The following ANKAR variants were observed in gnomAD, a reference collection of about 807,000 sequenced individuals.
ANKAR encodes ankyrin and armadillo repeat containing.
In ANKAR, 136 loss-of-function variants were observed where a neutral mutation model predicts 146.2. The ratio of observed to expected loss-of-function variants is 0.93; its 90% confidence interval spans 0.81 to 1.07. The LOEUF is 1.07. Among genes scored for constraint, ANKAR ranks in the 50% least tolerant of loss-of-function variants. The pLI, the probability that ANKAR is intolerant of heterozygous loss-of-function variation, is 0.00. For missense variants in ANKAR, 1,567 were observed against 1,679.9 expected, an observed-to-expected ratio of 0.93 and a Z score of 1.18; for synonymous variants, 500 against 575.8, an observed-to-expected ratio of 0.87 and a Z score of 1.88.
At chr2:189,745,640 T>C (rs1371633341) in intron 22 of ANKAR, among the ~76,000 whole-genome samples, 3 of 152,204 alleles carry the variant, frequency 2.0e-5, no homozygotes, top group Admixed American at 1.3e-4. Flanking sequence ...TTAGTGCTTG[T>C]TCGTGTAGGA....
downstream of ANKAR, among the ~76,000 whole-genome samples, chr2:189,748,877 A>C (rs1326067656): frequency 6.6e-6 from 1 of 152,146 alleles, no homozygotes; most frequent in Admixed American, 6.5e-5. Flanking sequence ...ATATTTCCTG[A>C]GTATCTTGGC....
chr2:189,714,473 A>G (rs2040146754), intron 10 of ANKAR, among the ~76,000 whole-genome samples: 1 of 152,208 alleles, frequency 6.6e-6, no homozygotes, highest in Non-Finnish European at 1.5e-5. Context: ...AAAACCACAC[A>G]ACTACATGGA....
At chr2:189,749,129 C>T (rs2044648320), downstream of ANKAR, among the ~76,000 whole-genome samples, 1 of 150,914 alleles carries the variant, frequency 6.6e-6, no homozygotes, top group Non-Finnish European at 1.5e-5. Flanking sequence ...GCCTGTAGTC[C>T]CAGCTACTCG....
intron 12 of ANKAR, among the ~76,000 whole-genome samples, chr2:189,721,413 T>C (rs1376790091): frequency 6.6e-6 from 1 of 152,220 alleles, no homozygotes; most frequent in Non-Finnish European, 1.5e-5. Context: ...TAAAAATACA[T>C]ATAATATGCC....
chr2:189,688,963 G>A (rs1248949788), intron 2 of ANKAR, among the ~76,000 whole-genome samples: 1 of 152,146 alleles, frequency 6.6e-6, no homozygotes, highest in Non-Finnish European at 1.5e-5. Context: ...GGGACAGGAA[G>A]ATCAGTTATT....
exon 19 of ANKAR, chr2:189,761,181 C>T (rs1574935659): frequency 6.0e-6 from 2 of 334,592 alleles, no homozygotes; most frequent in African/African-American, 2.1e-5. Flanking sequence ...TCAATAAATA[C>T]GGAAGCTGGG....
chr2:189,683,886 C>T lies in ANKAR; in HGVS notation c.602-5641C>T, dbSNP rs192689482. On this transcript the variant is annotated intron_variant, in intron 2 of 22. Coordinates refer to ENST00000684021, the MANE Select transcript of ANKAR (RefSeq NM_001378068.1). ...GCAGACTGCTGGGAATCCGTCTTGG[C>T]CAAGTTAACCTTTATCTCTCACATA... Among the ~76,000 whole-genome samples, 8 of 152,302 alleles carry T rather than the reference C, an allele frequency of 5.3e-5. 1 individual carries two copies. The East Asian group carries it at 1.5e-3, about 29-fold the overall frequency.
intron 18 of ANKAR, among the ~76,000 whole-genome samples, chr2:189,759,408 C>T (rs887400886): frequency 6.6e-6 from 1 of 152,172 alleles, no homozygotes; most frequent in Admixed American, 6.5e-5. Flanking sequence ...GCCACCACGC[C>T]TGGCTAATTT....
chr2:189,712,163 G>T (rs1176121996), intron 10 of ANKAR, among the ~76,000 whole-genome samples: 1 of 152,246 alleles, frequency 6.6e-6, no homozygotes, highest in Non-Finnish European at 1.5e-5. Flanking sequence ...CATCTGGGGG[G>T]GCAGGGCATA....
chr2:189,713,917 G>T (rs2040047105), intron 10 of ANKAR, among the ~76,000 whole-genome samples: 1 of 152,108 alleles, frequency 6.6e-6, no homozygotes, highest in Admixed American at 6.6e-5. Flanking sequence ...GATGGAGGAA[G>T]ATCTACCAAG....
At chr2:189,742,755 C>T (rs955575124) in intron 20 of ANKAR, among the ~76,000 whole-genome samples, 6 of 151,740 alleles carry the variant, frequency 4.0e-5, no homozygotes, top group African/African-American at 1.2e-4. Flanking sequence ...ATGGGTGATG[C>T]TAATGCATTG....
intron 10 of ANKAR, among the ~76,000 whole-genome samples, chr2:189,717,581 T>G (rs970017017): frequency 3.3e-5 from 5 of 152,172 alleles, no homozygotes; most frequent in Non-Finnish European, 7.4e-5. Context: ...GCAATCCCAT[T>G]ACTGGGTATA....
intron 21 of ANKAR, 45 bp downstream of exon 21, chr2:189,743,519 A>G (rs2043658902): frequency 1.3e-6 from 2 of 1,537,326 alleles, no homozygotes; most frequent in African/African-American, 2.7e-5. Flanking sequence ...TCATCGATAG[A>G]GGAGACTTTA....
Position 189,741,399 on chromosome 2 carries a change from C to G in ANKAR, c.3758C>G (p.Thr1253Arg), listed in dbSNP as rs1479559321. Residue 1253 changes from threonine to arginine, a missense_variant, in exon 20 of 23, where the codon ACA becomes AGA. Physicochemically the swap from Thr to Arg is moderately conservative, Grantham distance 71. Transcript: ENST00000684021. ...GCTGGTATCCCAGAAGCATTTACCACATTAGGAACAATCCAACGGCTCTGC... is the reference window on the plus strand; with the variant it reads ...GCTGGTATCCCAGAAGCATTTACCAGATTAGGAACAATCCAACGGCTCTGC... ...SRAGIPEAFT[T>R]LGTIQRLCYH... 6.2e-7 allele frequency: 1 copy of G among 1,610,812 alleles called. No homozygotes were observed. Among genetic ancestry groups the G allele is most frequent in the Non-Finnish European group, 8.5e-7 (1 of 1,178,374 alleles).
chr2:189,736,956 C>A (rs2042911911), intron 17 of ANKAR, among the ~76,000 whole-genome samples: 4 of 151,490 alleles, frequency 2.6e-5, no homozygotes, highest in African/African-American at 9.7e-5. Context: ...CGCCTTTGGT[C>A]TTAGCTACTT....
chr2:189,697,798 C>T (rs902125799), intron 7 of ANKAR, among the ~76,000 whole-genome samples: 4 of 152,088 alleles, frequency 2.6e-5, no homozygotes, highest in African/African-American at 9.7e-5. Flanking sequence ...TAGTACTCTA[C>T]TTCCAATATT....
At chr2:189,733,547 A>G (rs1218695469) in intron 17 of ANKAR, among the ~76,000 whole-genome samples, 1 of 152,194 alleles carries the variant, frequency 6.6e-6, no homozygotes, top group Non-Finnish European at 1.5e-5. Flanking sequence ...CACTTATCCA[A>G]TATGCTAAAG....
intron 9 of ANKAR, 102 bp from the exon 10 acceptor site, chr2:189,710,947 C>A: frequency 1.1e-6 from 1 of 924,394 alleles, no homozygotes; most frequent in Non-Finnish European, 1.7e-6. Context: ...TAGTGGTGAC[C>A]TCAACTGTTG....
chr2:189,713,615 A>G (rs1033887159), intron 10 of ANKAR, among the ~76,000 whole-genome samples: 2 of 152,246 alleles, frequency 1.3e-5, no homozygotes, highest in African/African-American at 4.8e-5. Context: ...TGAAGAAAGC[A>G]CTAAACATGC....
Sources: gnomAD v4.1 joint callset for allele counts (sites outside exome capture counted in the v4.1 genomes callset) on GRCh38, gnomAD v4.1.1 for gene constraint, MANE v1.5 for transcripts, NCBI Gene and HGNC (gene_info 2026-07-23, HGNC 2026-07-21) for gene names.